Variants in PMFBP1 observed in about 807,000 individuals in gnomAD.
PMFBP1 encodes the protein polyamine-modulated factor 1-binding protein 1.
In PMFBP1, 131 loss-of-function variants were observed where a neutral mutation model predicts 137.8. The ratio of observed to expected loss-of-function variants is 0.95; its 90% CI spans 0.82 to 1.10. The LOEUF (loss-of-function observed/expected upper bound fraction) is 1.10, where lower values mean the gene tolerates loss of function less well. Among genes scored for constraint, PMFBP1 ranks in the 50% least tolerant of loss-of-function variants. The probability of loss-of-function intolerance (pLI) is 0.00; values close to 1 mark genes in which losing one functional copy is unlikely to be tolerated. For synonymous variants in PMFBP1, 490 were observed against 450.4 expected (o/e 1.09, Z -1.11); for missense variants, 1,199 against 1,175.4 (o/e 1.02, Z -0.29).
the PMFBP1 span, among the ~76,000 whole-genome samples, chr16:72,243,322 T>G: frequency 6.6e-6 from 1 of 152,250 alleles, no homozygotes; most frequent in African/African-American, 2.4e-5. Flanking sequence ...AATACCCTTC[T>G]GCACGTGGAT....
the PMFBP1 span, among the ~76,000 whole-genome samples, chr16:72,189,112 T>A: frequency 1.1e-4 from 16 of 152,314 alleles, no homozygotes; most frequent in African/African-American, 3.8e-4. Flanking sequence ...CCAGGCACCG[T>A]GCTATGGACT....
At position 72,163,326 on chromosome 16, in the gene PMFBP1, G is replaced by A. The variant is rs934778644; in HGVS notation, c.165+1438C>T. Among the ~76,000 whole-genome samples the A allele has an allele frequency of 3.3e-5, 5 of 152,224 alleles. No homozygotes were observed. In the South Asian group the frequency reaches 6.2e-4, roughly 19 times the overall value. ...CCCAGCTTATGTGGAAAAATTTAGA[G>A]ACTGACTTAAAGACCTTAGATTTAG... On this transcript the variant is annotated intron_variant, in intron 3 of 20. Coordinates refer to ENST00000237353, the MANE Select transcript of PMFBP1 (RefSeq NM_031293.3).
Position 72,132,851 on chromosome 16 carries a change from A to C in PMFBP1, c.1344T>G (p.Ala448=), listed in dbSNP as rs772913404. ...ATELEMTVKE[A]KQDKSKEAEC... is the part of the protein sequence containing the mutation. ...CCGCCTCCTTGGACTTGTCCTGCTT[A>C]GCCTCCTTGACTGTCATTTCAAGTT... The change falls in exon 10 of 21, where the codon GCT becomes GCG. Residue 448 remains alanine (A), a synonymous_variant. Transcript: ENST00000237353. 3 of 1,614,054 alleles carry C rather than the reference A, an allele frequency of 1.9e-6. No individual in the cohort carries two copies. The highest frequency in any genetic ancestry group is 2.5e-6 in the Non-Finnish European group (3 of 1,180,038).
At chr16:72,143,189 A>G (rs1486194059) in intron 5 of PMFBP1, among the ~76,000 whole-genome samples, 1 of 152,242 alleles carries the variant, frequency 6.6e-6, no homozygotes, top group African/African-American at 2.4e-5. Context: ...GAGAAAGGAT[A>G]TTGAAAATAA....
chr16:72,121,938 T>C (rs899938683), intron 19 of PMFBP1, among the ~76,000 whole-genome samples: 3 of 152,248 alleles, frequency 2.0e-5, no homozygotes, highest in African/African-American at 7.2e-5. Flanking sequence ...CAGGGGTACA[T>C]GTTACATCGG....
chr16:72,195,916 G>T, the PMFBP1 span, among the ~76,000 whole-genome samples: 1 of 151,806 alleles, frequency 6.6e-6, no homozygotes, highest in Non-Finnish European at 1.5e-5. Context: ...TTGTATTCAT[G>T]ATTCTGGACT....
chr16:72,197,056 G>A, the PMFBP1 span, among the ~76,000 whole-genome samples: 1 of 152,160 alleles, frequency 6.6e-6, no homozygotes, highest in African/African-American at 2.4e-5. Flanking sequence ...GATCAAGCAA[G>A]TCCAGGAAAC....
intron 2 of PMFBP1, among the ~76,000 whole-genome samples, chr16:72,169,014 G>A (rs1408888168): frequency 2.6e-5 from 4 of 152,096 alleles, no homozygotes; most frequent in East Asian, 3.9e-4. Flanking sequence ...ATTGAAGCTC[G>A]TGATTCAGTA....
rs770239257 is a variant in PMFBP1 at position 72,140,441 on chromosome 16, G to A, written c.778C>T (p.Arg260Ter). ...GCGTTACTGCAGGCCAGCTTATTTCGAAGTTCTTGAATGAGATCATCCTGT... is the reference window on the plus strand; with the variant it reads ...GCGTTACTGCAGGCCAGCTTATTTCAAAGTTCTTGAATGAGATCATCCTGT... Reference protein sequence around the residue: ...SQQDDLIQELRNKLACSNALV... With the variant: ...SQQDDLIQEL The change falls in exon 6 of 21, where the codon CGA (arginine) becomes TGA (stop). Residue 260 changes from arginine to a stop codon, truncating the protein, a stop_gained. Transcript: ENST00000237353. LOFTEE classifies it high-confidence loss of function. 6.8e-6 allele frequency: 11 copies of A among 1,613,904 alleles called. No individual in the cohort carries two copies. The highest frequency in any genetic ancestry group is 5.0e-5 in the Admixed American group (3 of 59,996).
chr16:72,128,565 C>G, intron 14 of PMFBP1, 92 bp downstream of exon 14: 1 of 1,609,220 alleles, frequency 6.2e-7, no homozygotes, highest in Non-Finnish European at 8.5e-7. Flanking sequence ...CAGTTAGCTG[C>G]ATTTCTGTGT....
chr16:72,227,860 A>G, the PMFBP1 span, among the ~76,000 whole-genome samples: 1 of 152,346 alleles, frequency 6.6e-6, no homozygotes, highest in East Asian at 1.9e-4. Flanking sequence ...GTGCCCCCAC[A>G]CAATGAGCAC....
chr16:72,223,195 T>G, the PMFBP1 span, among the ~76,000 whole-genome samples: 2 of 152,020 alleles, frequency 1.3e-5, no homozygotes, highest in African/African-American at 4.8e-5. Flanking sequence ...AAGGTTAAAG[T>G]TGAGGAGTAT....
chr16:72,143,083 T>C (rs1226401486), intron 5 of PMFBP1, among the ~76,000 whole-genome samples: 1 of 152,206 alleles, frequency 6.6e-6, no homozygotes. Flanking sequence ...GCTTCATTGA[T>C]GGATAGATGC....
the PMFBP1 span, among the ~76,000 whole-genome samples, chr16:72,243,031 A>C: frequency 2.2e-4 from 34 of 152,298 alleles, no homozygotes; most frequent in South Asian, 6.8e-3. Context: ...AAAATATCCA[A>C]ATGGGAGGTT....
chr16:72,130,533 C>T lies in PMFBP1; in HGVS notation c.1637G>A (p.Arg546Lys). The change falls in exon 11 of 21, where the codon AGA becomes AAA. Residue 546 changes from arginine to lysine, a missense_variant and splice_region_variant. Coordinates refer to ENST00000237353, the MANE Select transcript of PMFBP1 (RefSeq NM_031293.3). ...SMAEKEQTSN[R>K]KRVEELSLEL... ...TGGAGGGGAGCCTGAGCCTGGGCACCTGTTGGAGGTTTGTTCCTTCTCAGC... is the reference window on the plus strand; with the variant it reads ...TGGAGGGGAGCCTGAGCCTGGGCACTTGTTGGAGGTTTGTTCCTTCTCAGC... The T allele has an allele frequency of 4.3e-6, 7 of 1,614,032 alleles. No homozygotes were observed. Among genetic ancestry groups the T allele is most frequent in the Non-Finnish European group, 5.9e-6 (7 of 1,179,964 alleles).
the PMFBP1 span, among the ~76,000 whole-genome samples, chr16:72,186,974 A>G: frequency 6.6e-6 from 1 of 151,836 alleles, no homozygotes. Context: ...TTAGCTGGGC[A>G]TGGTGGTGTG....
intron 3 of PMFBP1, among the ~76,000 whole-genome samples, chr16:72,157,183 C>CAA (rs35414674): frequency 1.1e-3 from 20 of 18,890 alleles, no homozygotes; most frequent in East Asian, 2.5e-3. Flanking sequence ...GACTCCATCT[C>CAA]AAAAAAAAAA....
chr16:72,130,162 T>A, intron 12 of PMFBP1, 51 bp downstream of exon 12: 1 of 1,600,918 alleles, frequency 6.2e-7, no homozygotes, highest in Non-Finnish European at 8.5e-7. Context: ...GTCTGTGTTT[T>A]ATCTTAAGCA....
At chr16:72,219,953 C>G in the PMFBP1 span, among the ~76,000 whole-genome samples, 1 of 152,154 alleles carries the variant, frequency 6.6e-6, no homozygotes, top group Non-Finnish European at 1.5e-5. Flanking sequence ...TGAAACATTA[C>G]CCAAAGAGGG....
Sources: allele counts gnomAD v4.1 joint callset (sites outside exome capture counted in the v4.1 genomes callset), GRCh38; gene constraint gnomAD v4.1.1; transcripts MANE v1.5; gene names NCBI Gene and HGNC (gene_info 2026-07-23, HGNC 2026-07-21).